XKR6: variants seen among roughly 807,000 people sequenced by gnomAD.
XKR6 encodes XK-related protein 6.
A neutral mutation model predicts 56.7 loss-of-function variants in XKR6; 22 were observed. That is an observed-to-expected ratio of 0.39 (90% CI 0.28 to 0.55). XKR6 has a LOEUF of 0.55. Among genes scored for constraint, XKR6 ranks in the 20% least tolerant of loss-of-function variants. The pLI is 0.66. For missense variants in XKR6, 852 were observed against 889.0 expected (o/e 0.96, Z 0.53); for synonymous variants, 524 against 387.8 (o/e 1.35, Z -4.13).
chr8:11,100,856 A>G (rs900830772), intron 1 of XKR6, among the ~76,000 whole-genome samples: 1 of 152,210 alleles, frequency 6.6e-6, no homozygotes, highest in Non-Finnish European at 1.5e-5. Flanking sequence ...TTGGCCTCCG[A>G]GTCAGTGCTT....
chr8:11,133,951 T>C (rs886663981), intron 1 of XKR6, among the ~76,000 whole-genome samples: 5 of 152,196 alleles, frequency 3.3e-5, no homozygotes, highest in Non-Finnish European at 1.5e-5. Context: ...TGAGCTGGTC[T>C]CTTATGTTTT....
intron 1 of XKR6, among the ~76,000 whole-genome samples, chr8:10,979,611 G>T (rs1405842628): frequency 6.6e-6 from 1 of 152,220 alleles, no homozygotes; most frequent in Non-Finnish European, 1.5e-5. Context: ...TCTCTGTAAG[G>T]TGGGTTGAGT....
rs1011896452 is a variant in XKR6, at chr8:10,952,582, T to C, written c.765-27752A>G. ...AATCCTCCCATCTCAGCCTCCCCCG[T>C]ACCTGGGACCACAGACACGTGCCAC... On this transcript the variant is annotated intron_variant, in intron 1 of 2. Coordinates refer to ENST00000416569, the MANE Select transcript of XKR6 (RefSeq NM_173683.4). Among the ~76,000 whole-genome samples, 8 of 152,316 alleles carry C rather than the reference T, an allele frequency of 5.3e-5. No homozygotes were observed. In the East Asian group the frequency reaches 1.5e-3, roughly 29 times the overall value.
At chr8:11,100,651 C>T (rs1388233968) in intron 1 of XKR6, among the ~76,000 whole-genome samples, 4 of 152,212 alleles carry the variant, frequency 2.6e-5, no homozygotes, top group Admixed American at 6.5e-5. Flanking sequence ...CAACTTCCTA[C>T]ACTGAGAAAC....
chr8:11,197,465 T>C (rs535597088), intron 1 of XKR6, among the ~76,000 whole-genome samples: 1 of 152,228 alleles, frequency 6.6e-6, no homozygotes, highest in Non-Finnish European at 1.5e-5. Flanking sequence ...ATGCTCTCAC[T>C]CTCTATTAAC....
At chr8:11,155,161 T>G (rs747052992) in intron 1 of XKR6, among the ~76,000 whole-genome samples, 1 of 152,220 alleles carries the variant, frequency 6.6e-6, no homozygotes. Flanking sequence ...TACAAGCTCA[T>G]TTTATCACTC....
intron 2 of XKR6, among the ~76,000 whole-genome samples, chr8:10,913,533 G>T (rs1000669484): frequency 6.6e-6 from 1 of 152,186 alleles, no homozygotes; most frequent in Non-Finnish European, 1.5e-5. Context: ...GCTGTTGGGT[G>T]CTTCCTTTCT....
At chr8:10,928,147 GCC>G (rs1800951732) in intron 1 of XKR6, among the ~76,000 whole-genome samples, 2 of 152,202 alleles carry the variant, frequency 1.3e-5, no homozygotes, top group Admixed American at 6.5e-5. Flanking sequence ...ATAGTGGAGG[GCC>G]CAGGTGCCAG....
chr8:10,914,763 C>A (rs1378856213), intron 2 of XKR6, among the ~76,000 whole-genome samples: 2 of 147,714 alleles, frequency 1.4e-5, no homozygotes, highest in Non-Finnish European at 3.0e-5. Flanking sequence ...CCTGGTAAGA[C>A]CCTGGGGCAG....
chr8:11,032,556 C>A (rs1400590643), intron 1 of XKR6, among the ~76,000 whole-genome samples: 1 of 152,140 alleles, frequency 6.6e-6, no homozygotes, highest in Non-Finnish European at 1.5e-5. Context: ...GGAGCAAATT[C>A]AAACCTGGTG....
intron 1 of XKR6, among the ~76,000 whole-genome samples, chr8:10,941,409 G>T (rs1047618039): frequency 1.2e-4 from 18 of 152,216 alleles, no homozygotes; most frequent in African/African-American, 3.9e-4. Flanking sequence ...CTGTGGAGAT[G>T]GAGAAACTGA....
intron 1 of XKR6, among the ~76,000 whole-genome samples, chr8:11,073,387 A>C (rs1800184156): frequency 6.6e-6 from 1 of 151,784 alleles, no homozygotes; most frequent in South Asian, 2.1e-4. Context: ...GCCTCCAAAG[A>C]CCTCACAGTC....
intron 1 of XKR6, among the ~76,000 whole-genome samples, chr8:11,164,485 G>C (rs931722173): frequency 6.6e-6 from 1 of 152,116 alleles, no homozygotes; most frequent in East Asian, 1.9e-4. Flanking sequence ...ATCCGAAAGG[G>C]AAAAAAGCAG....
chr8:10,975,832 A>G (rs1586379365), intron 1 of XKR6, among the ~76,000 whole-genome samples: 1 of 152,110 alleles, frequency 6.6e-6, no homozygotes, highest in Admixed American at 6.5e-5. Context: ...CTGCTCTGAC[A>G]CTTGGTCAAT....
chr8:11,071,549 C>A (rs1800119445), intron 1 of XKR6, among the ~76,000 whole-genome samples: 1 of 129,630 alleles, frequency 7.7e-6, no homozygotes, highest in Non-Finnish European at 1.6e-5. Context: ...TCTATGAGCC[C>A]CGAGTCCATG....
chr8:11,162,433 G>A (rs977015500), intron 1 of XKR6, among the ~76,000 whole-genome samples: 5 of 152,030 alleles, frequency 3.3e-5, no homozygotes, highest in African/African-American at 4.8e-5. Flanking sequence ...TAGAGTAATC[G>A]TGATCAATTG....
At chr8:10,923,317 T>A (rs966408874) in intron 2 of XKR6, among the ~76,000 whole-genome samples, 2 of 152,154 alleles carry the variant, frequency 1.3e-5, no homozygotes, top group African/African-American at 4.8e-5. Context: ...CAGCATTTTG[T>A]GGGATGGACA....
chr8:11,026,394 T>C (rs185195807), intron 1 of XKR6, among the ~76,000 whole-genome samples: 167 of 151,318 alleles, frequency 1.1e-3, no homozygotes, highest in Non-Finnish European at 1.9e-3. Context: ...CACACTTAGA[T>C]GGTCTAGCCT....
At chr8:11,011,468 T>C (rs1435161926) in intron 1 of XKR6, among the ~76,000 whole-genome samples, 1 of 152,268 alleles carries the variant, frequency 6.6e-6, no homozygotes, top group Non-Finnish European at 1.5e-5. Context: ...CTTCATTTTT[T>C]ATTTGTTCAT....
Sources: gnomAD v4.1 joint callset for allele counts (sites outside exome capture counted in the v4.1 genomes callset) on GRCh38, gnomAD v4.1.1 for gene constraint, MANE v1.5 for transcripts, NCBI Gene and HGNC (gene_info 2026-07-23, HGNC 2026-07-21) for gene names.